The following IDE variants were observed in gnomAD, a reference collection of about 807,000 sequenced individuals.
The protein encoded by IDE is insulin-degrading enzyme.
A neutral mutation model predicts 133.2 loss-of-function variants in IDE; 58 were observed. The ratio of observed to expected loss-of-function variants is 0.44; its 90% CI spans 0.35 to 0.54. The LOEUF is 0.54. Among genes scored for constraint, IDE ranks in the 20% least tolerant of loss-of-function variants. The pLI is 0.00. For synonymous variants in IDE, 396 were observed against 421.3 expected (o/e 0.94, Z 0.73); for missense variants, 981 against 1,234.0 (o/e 0.79, Z 3.07).
intron 1 of IDE, among the ~76,000 whole-genome samples, chr10:92,538,872 G>C (rs1276218674): frequency 6.6e-6 from 1 of 151,412 alleles, no homozygotes; most frequent in Non-Finnish European, 1.5e-5. Context: ...TGGAACTACA[G>C]AGGAAAAATA....
rs142188498 is a variant in IDE at position 92,490,508 on chromosome 10, C to T, written c.1518G>A (p.Pro506=). The T allele has an allele frequency of 1.6e-4, 255 of 1,599,732 alleles. No individual in the cohort carries two copies. Among genetic ancestry groups the T allele is most frequent in the African/African-American group, 8.5e-4 (63 of 74,556 alleles). ...TTAACCCTACCTTGATGACTTCATC[C>T]GGTATAGCTTCTTGTTTGTACTGGG... The part of the protein sequence containing the change: ...YGTQYKQEAI[P]DEVIKKWQNA... Residue 506 remains proline, a synonymous_variant, in exon 12 of 25, where the codon CCG becomes CCA. Coordinates refer to ENST00000265986, the MANE Select transcript of IDE (RefSeq NM_004969.4).
rs1372208753 is a variant in IDE at position 92,510,006 on chromosome 10, G to A, written c.897+44C>T. ...CTATGGTAAACTAGGTATATATTAT[G>A]TCCATAAATTAAGAAGACAAAATAC... On this transcript the variant is annotated intron_variant, in intron 6 of 24. Transcript: ENST00000265986. 5 of 870,490 alleles carry A rather than the reference G, an allele frequency of 5.7e-6. No homozygotes were observed. The African/African-American group carries it at 8.5e-5, about 15-fold the overall frequency. The allele number at this position is 870,490 out of a possible 1,614,324, so 53.9% of individuals were successfully genotyped here. A position where few individuals can be genotyped will look rare whatever the true frequency, so the allele number is the denominator to read the frequency against.
At chr10:92,485,779 C>CA (rs550657426) in intron 13 of IDE, among the ~76,000 whole-genome samples, 19 of 152,006 alleles carry the variant, frequency 1.2e-4, no homozygotes, top group Admixed American at 9.8e-4. Context: ...CCCATCTCTA[C>CA]AAAAAATTAA....
intron 11 of IDE, chr10:92,497,735 T>C: frequency 1.3e-5 from 13 of 982,840 alleles, no homozygotes; most frequent in Non-Finnish European, 1.6e-5. Flanking sequence ...TTGCACCATG[T>C]ATCACTGACC....
At chr10:92,484,710 G>C (rs1049959713) in intron 13 of IDE, among the ~76,000 whole-genome samples, 2 of 151,668 alleles carry the variant, frequency 1.3e-5, no homozygotes, top group Non-Finnish European at 1.5e-5. Flanking sequence ...TCCAGCCTAG[G>C]CAACGGAGAG....
At chr10:92,560,281 C>T (rs970154133) in intron 1 of IDE, among the ~76,000 whole-genome samples, 9 of 152,164 alleles carry the variant, frequency 5.9e-5, no homozygotes, top group Non-Finnish European at 1.2e-4. Context: ...CTTCTGGGAA[C>T]GGTGTCTTCC....
rs1844868232 is a variant in IDE at position 92,454,144 on chromosome 10, G to A, written c.*300C>T. 4.6e-6 allele frequency: 1 copy of A among 215,360 alleles called. No homozygotes were observed. The highest frequency in any genetic ancestry group is 2.3e-5 in the African/African-American group (1 of 43,280). The allele number at this position is 215,360 out of a possible 1,614,324, so 13.3% of individuals were successfully genotyped here. Reference sequence around the variant, plus strand: ...AGTGACTATTTTACAGAATAGGGAAGGAAGATTCTATAGGAATATCATTCA... The same window carrying A: ...AGTGACTATTTTACAGAATAGGGAAAGAAGATTCTATAGGAATATCATTCA... On this transcript the variant is annotated 3_prime_UTR_variant, in exon 25 of 25. Transcript: ENST00000265986.
At chr10:92,561,285 ATAAG>A (rs1338367467) in intron 1 of IDE, among the ~76,000 whole-genome samples, 2 of 151,910 alleles carry the variant, frequency 1.3e-5, no homozygotes, top group East Asian at 1.9e-4. Flanking sequence ...AAATAAATAA[ATAAG>A]TAAGGCGAAC....
At chr10:92,515,631 G>A (rs1242178902) in intron 4 of IDE, among the ~76,000 whole-genome samples, 3 of 144,280 alleles carry the variant, frequency 2.1e-5, no homozygotes, top group African/African-American at 5.2e-5. Flanking sequence ...GCGTGATCTC[G>A]GCTCACCCCA....
chr10:92,569,439 T>C (rs1843689466), intron 1 of IDE, among the ~76,000 whole-genome samples: 1 of 152,216 alleles, frequency 6.6e-6, no homozygotes. Context: ...CTAAAACCTG[T>C]TCAGGTGAGA....
At chr10:92,566,903 T>A (rs1843582082) in intron 1 of IDE, among the ~76,000 whole-genome samples, 1 of 152,186 alleles carries the variant, frequency 6.6e-6, no homozygotes, top group Admixed American at 6.5e-5. Flanking sequence ...TACAGCTGAA[T>A]CCACTTAGAC....
intron 2 of IDE, among the ~76,000 whole-genome samples, chr10:92,537,118 G>T (rs1295362399): frequency 6.6e-6 from 1 of 151,600 alleles, no homozygotes; most frequent in East Asian, 1.9e-4. Context: ...TTACTGTAAA[G>T]AATGGCAATG....
chr10:92,566,190 T>C (rs1326665108), intron 1 of IDE, among the ~76,000 whole-genome samples: 79 of 88,310 alleles, frequency 8.9e-4, no homozygotes, highest in Non-Finnish European at 1.4e-4. Context: ...ATCCTGTCTC[T>C]ACAAAAAAAA....
At chr10:92,474,773 C>A in intron 17 of IDE, 68 bp downstream of exon 17, 1 of 1,410,676 alleles carries the variant, frequency 7.1e-7, no homozygotes, top group South Asian at 1.3e-5. Context: ...CAGTCAATAT[C>A]AGAATAAACC....
intron 17 of IDE, among the ~76,000 whole-genome samples, chr10:92,474,016 T>A (rs1234190272): frequency 1.3e-5 from 2 of 152,004 alleles, no homozygotes; most frequent in Non-Finnish European, 2.9e-5. Context: ...TCCTTCAATA[T>A]TAACAAGGTT....
At chr10:92,512,016 G>A (rs911459839) in intron 5 of IDE, among the ~76,000 whole-genome samples, 3 of 152,152 alleles carry the variant, frequency 2.0e-5, no homozygotes, top group African/African-American at 7.2e-5. Flanking sequence ...AAACACTATT[G>A]CACAGTCTGT....
chr10:92,539,583 G>A (rs963074947), intron 1 of IDE, among the ~76,000 whole-genome samples: 3 of 151,818 alleles, frequency 2.0e-5, no homozygotes, highest in African/African-American at 7.3e-5. Flanking sequence ...GGCCAACATG[G>A]TGAAACCCTG....
At chr10:92,519,019 T>A (rs1849073881) in intron 4 of IDE, among the ~76,000 whole-genome samples, 2 of 152,150 alleles carry the variant, frequency 1.3e-5, no homozygotes, top group African/African-American at 4.8e-5. Context: ...CCTCTTTGTA[T>A]GACAACTACA....
intron 16 of IDE, among the ~76,000 whole-genome samples, chr10:92,475,249 T>C (rs982917639): frequency 1.2e-4 from 19 of 152,230 alleles, no homozygotes; most frequent in African/African-American, 4.3e-4. Context: ...ATCCCTAGTT[T>C]TCAGGGAAGT....
Sources: gnomAD v4.1 joint callset for allele counts (sites outside exome capture counted in the v4.1 genomes callset) on GRCh38, gnomAD v4.1.1 for gene constraint, MANE v1.5 for transcripts, NCBI Gene and HGNC (gene_info 2026-07-23, HGNC 2026-07-21) for gene names.